The following TMEM232 variants were observed in gnomAD, a reference collection of about 807,000 sequenced individuals.
TMEM232 encodes transmembrane protein 232.
In TMEM232, 80 loss-of-function variants were observed where a neutral mutation model predicts 78.8. That is an observed-to-expected ratio of 1.01 (90% confidence interval 0.85 to 1.22). The LOEUF is 1.22. Among genes scored for constraint, TMEM232 ranks in the 50% most tolerant of loss-of-function variants. The pLI is 0.00. For synonymous variants in TMEM232, 297 were observed against 254.3 expected, an observed-to-expected ratio of 1.17 and a Z score of -1.60; for missense variants, 881 against 742.2, an observed-to-expected ratio of 1.19 and a Z score of -2.17.
intron 1 of TMEM232, among the ~76,000 whole-genome samples, chr5:110,716,108 C>T (rs1030714764): frequency 1.3e-5 from 2 of 152,006 alleles, no homozygotes; most frequent in Non-Finnish European, 2.9e-5. Context: ...TGTATAAAAC[C>T]AAGCTGTACC....
intron 2 of TMEM232, among the ~76,000 whole-genome samples, chr5:110,414,401 G>A (rs2112586849): frequency 6.6e-6 from 1 of 152,270 alleles, no homozygotes; most frequent in East Asian, 1.9e-4. Context: ...GCATATATTA[G>A]ATTGATGCAT....
rs529904710 is a variant in TMEM232, at chr5:110,566,158, T to A, written c.1455+2289A>T. Among the ~76,000 whole-genome samples, 12 of 151,976 alleles carry A rather than the reference T, an allele frequency of 7.9e-5. 1 individual carries two copies. The highest frequency in any genetic ancestry group is 6.6e-4 in the Admixed American group (10 of 15,210). On this transcript the variant is annotated intron_variant, in intron 11 of 13. Transcript: ENST00000455884. Reference sequence around the variant, plus strand: ...AAACCATTTTAGGATTTATCAGTTCTATGCTTTTTATAGTCTGCTTTTATT... The same window carrying A: ...AAACCATTTTAGGATTTATCAGTTCAATGCTTTTTATAGTCTGCTTTTATT...
chr5:110,715,725 T>C (rs1434162299), intron 1 of TMEM232, among the ~76,000 whole-genome samples: 1 of 149,430 alleles, frequency 6.7e-6, no homozygotes, highest in African/African-American at 2.5e-5. Flanking sequence ...CAGGCCATGA[T>C]GGAAAGCAGG....
At chr5:110,538,016 T>C (rs1217392534) in intron 11 of TMEM232, among the ~76,000 whole-genome samples, 2 of 152,188 alleles carry the variant, frequency 1.3e-5, no homozygotes, top group Admixed American at 6.5e-5. Flanking sequence ...TCTCCACTAT[T>C]GATCCTAATT....
intron 11 of TMEM232, among the ~76,000 whole-genome samples, chr5:110,562,866 C>A (rs1411891591): frequency 6.6e-6 from 1 of 151,750 alleles, no homozygotes; most frequent in Non-Finnish European, 1.5e-5. Context: ...TTTTCAAAGT[C>A]ACTAGGTTAA....
At chr5:110,428,966 T>C (rs779701540) in intron 12 of TMEM232, among the ~76,000 whole-genome samples, 1 of 151,782 alleles carries the variant, frequency 6.6e-6, no homozygotes, top group Non-Finnish European at 1.5e-5. Flanking sequence ...AGAAAATGTA[T>C]GTAGACTGAG....
chr5:110,494,567 A>G (rs932375648), intron 12 of TMEM232, among the ~76,000 whole-genome samples: 1 of 152,064 alleles, frequency 6.6e-6, no homozygotes, highest in African/African-American at 2.4e-5. Context: ...TTATACATGC[A>G]TATATCCTGT....
At chr5:110,481,035 T>C (rs186347854) in intron 12 of TMEM232, among the ~76,000 whole-genome samples, 24 of 152,232 alleles carry the variant, frequency 1.6e-4, no homozygotes, top group Non-Finnish European at 3.1e-4. Context: ...TAATTACTCA[T>C]ACATAACTCA....
chr5:110,436,653 C>T (rs1821913), intron 12 of TMEM232, among the ~76,000 whole-genome samples: 6,942 of 152,048 alleles, frequency 0.046, 345 homozygotes, highest in East Asian at 0.21. Context: ...AGATAGGGAT[C>T]AAGTTTCATT....
chr5:110,737,668 C>T (rs978369938), intron 1 of TMEM232, among the ~76,000 whole-genome samples: 1 of 152,120 alleles, frequency 6.6e-6, no homozygotes, highest in Non-Finnish European at 1.5e-5. Context: ...TGAATTGCCT[C>T]TACATGTCCT....
chr5:110,702,381 C>T (rs1271480686), intron 1 of TMEM232, among the ~76,000 whole-genome samples: 1 of 151,962 alleles, frequency 6.6e-6, no homozygotes, highest in Non-Finnish European at 1.5e-5. Flanking sequence ...CCACTTTAGC[C>T]ATTGCCATGC....
intron 1 of TMEM232, among the ~76,000 whole-genome samples, chr5:110,697,432 G>C (rs889263715): frequency 1.3e-5 from 2 of 152,102 alleles, no homozygotes; most frequent in African/African-American, 4.8e-5. Flanking sequence ...GGCAACAAAA[G>C]CCAAAATTGA....
In TMEM232 at chr5:110,471,109, C is replaced by T. The variant is rs187045347; in HGVS notation, c.1704-46193G>A. 1.5e-3 allele frequency among the ~76,000 whole-genome samples: 223 copies of T among 151,954 alleles called. 1 individual carries two copies. Among genetic ancestry groups the T allele is most frequent in the African/African-American group, 4.8e-3 (199 of 41,478 alleles). On this transcript the variant is annotated intron_variant, in intron 12 of 13. Transcript: ENST00000455884. Reference sequence around the variant, plus strand: ...ATTCAATGAATAAAATAAAAAAGTACAATAGAGAGCTTCAAAAAATACAGT... The same window carrying T: ...ATTCAATGAATAAAATAAAAAAGTATAATAGAGAGCTTCAAAAAATACAGT...
At chr5:110,695,597 A>G (rs963404695) in intron 1 of TMEM232, among the ~76,000 whole-genome samples, 7 of 152,126 alleles carry the variant, frequency 4.6e-5, no homozygotes, top group South Asian at 4.1e-4. Context: ...TCAAATAGAC[A>G]CAATAAAAAA....
intron 10 of TMEM232, among the ~76,000 whole-genome samples, chr5:110,575,095 GAT>G (rs1777419664): frequency 1.3e-5 from 2 of 151,812 alleles, no homozygotes; most frequent in Admixed American, 1.3e-4. Context: ...TGGATAGCAG[GAT>G]ACAAAGAATT....
intron 5 of TMEM232, among the ~76,000 whole-genome samples, chr5:110,632,114 C>T (rs1455929400): frequency 6.6e-6 from 1 of 152,058 alleles, no homozygotes; most frequent in Non-Finnish European, 1.5e-5. Context: ...CTCTAAACCA[C>T]TGGGAAATCA....
chr5:110,701,522 T>C (rs186167580), intron 1 of TMEM232, among the ~76,000 whole-genome samples: 71 of 152,096 alleles, frequency 4.7e-4, no homozygotes, highest in African/African-American at 1.7e-3. Context: ...ATATTATGAT[T>C]CCCCATCATC....
Position 110,528,897 on chromosome 5 carries a change from T to C in TMEM232, c.1456-62A>G, listed in dbSNP as rs1049937399. 9.0e-6 allele frequency: 11 copies of C among 1,226,682 alleles called. No homozygotes were observed. In the African/African-American group the frequency reaches 1.6e-4, roughly 17 times the overall value. The allele number at this position is 1,226,682 out of a possible 1,614,324, so 76.0% of individuals were successfully genotyped here. A position where few individuals can be genotyped will look rare whatever the true frequency, so the allele number is the denominator to read the frequency against. On this transcript the variant is annotated intron_variant, in intron 11 of 13. Coordinates refer to ENST00000455884, the MANE Select transcript of TMEM232 (RefSeq NM_001039763.4). ...GGATTAAATGGGAGAAAAAAAATCG[T>C]GTATTATTAAATTTTTTAAAGTATC...
In TMEM232 at chr5:110,705,825, A is replaced by C. The variant is rs74555671; in HGVS notation, c.-13+20802T>G. On this transcript the variant is annotated intron_variant, in intron 1 of 13. Transcript: ENST00000455884. ...CTTCAATTTCAGTTCTACATAGTAA[A>C]GACATTCAGGAAGAATGGTACTGTC... is the stretch of plus-strand genomic sequence containing the variant. 4.3e-3 allele frequency among the ~76,000 whole-genome samples: 644 copies of C among 148,062 alleles called. 19 individuals are homozygous for C. In the East Asian group the frequency reaches 0.05, roughly 12 times the overall value.
Sources: allele counts gnomAD v4.1 joint callset (sites outside exome capture counted in the v4.1 genomes callset), GRCh38; gene constraint gnomAD v4.1.1; transcripts MANE v1.5; gene names NCBI Gene and HGNC (gene_info 2026-07-23, HGNC 2026-07-21).